WWP1: variants seen among roughly 807,000 people sequenced by gnomAD.
The protein encoded by WWP1 is NEDD4-like E3 ubiquitin-protein ligase WWP1.
WWP1 carries 49 observed loss-of-function variants against 130.6 expected under a neutral mutation model. The observed-to-expected ratio is 0.38, with a 90% CI of 0.30 to 0.48. The LOEUF is 0.48. WWP1 is among the 20% of genes least tolerant of loss of function. The pLI is 0.99. For synonymous variants in WWP1, 332 were observed against 367.8 expected (o/e 0.90, Z 1.11); for missense variants, 809 against 1,100.6 (o/e 0.74, Z 3.75).
At chr8:86,381,771 A>G (rs1242203052) in intron 5 of WWP1, 142 bp downstream of exon 5, 2 of 841,246 alleles carry the variant, frequency 2.4e-6, no homozygotes, top group Non-Finnish European at 3.3e-6. Flanking sequence ...ACTTTGTGGC[A>G]TTTTATGAAA....
intron 5 of WWP1, among the ~76,000 whole-genome samples, chr8:86,396,391 G>A (rs1338647466): frequency 2.0e-5 from 3 of 151,920 alleles, no homozygotes; most frequent in South Asian, 4.2e-4. Flanking sequence ...GAGCCACTGC[G>A]CCTGGCTGCT....
intron 3 of WWP1, among the ~76,000 whole-genome samples, chr8:86,379,668 C>G (rs1255199375): frequency 1.3e-5 from 2 of 152,164 alleles, no homozygotes; most frequent in Non-Finnish European, 2.9e-5. Context: ...TTATGATTAA[C>G]TTTTATAATG....
At chr8:86,463,285 T>C (rs1811863064) in intron 24 of WWP1, among the ~76,000 whole-genome samples, 1 of 152,084 alleles carries the variant, frequency 6.6e-6, no homozygotes, top group Non-Finnish European at 1.5e-5. Context: ...CTTTCCTCGA[T>C]GAGATTAGTG....
chr8:86,423,671 A>T (rs1356996704), intron 9 of WWP1, among the ~76,000 whole-genome samples: 1 of 152,074 alleles, frequency 6.6e-6, no homozygotes, highest in East Asian at 1.9e-4. Flanking sequence ...TTTTCCCCAC[A>T]TTTCCCCCTT....
At chr8:86,353,252 G>GAC (rs1236415439) in intron 1 of WWP1, among the ~76,000 whole-genome samples, 2 of 152,140 alleles carry the variant, frequency 1.3e-5, no homozygotes, top group Non-Finnish European at 2.9e-5. Flanking sequence ...CCAAAGTGAT[G>GAC]ACACCTACGG....
chr8:86,460,560 A>G (rs890419357), intron 22 of WWP1, among the ~76,000 whole-genome samples: 2 of 152,072 alleles, frequency 1.3e-5, no homozygotes, highest in Admixed American at 6.5e-5. Context: ...TTATATTACA[A>G]CCCAACAACA....
intron 5 of WWP1, among the ~76,000 whole-genome samples, chr8:86,390,867 G>A (rs926268162): frequency 3.3e-5 from 5 of 152,134 alleles, no homozygotes; most frequent in Admixed American, 1.3e-4. Flanking sequence ...TTCCTTTTCA[G>A]ATTTACAAGG....
At chr8:86,364,468 T>C (rs887671061) in intron 1 of WWP1, among the ~76,000 whole-genome samples, 3 of 152,106 alleles carry the variant, frequency 2.0e-5, no homozygotes, top group African/African-American at 7.2e-5. Flanking sequence ...TAATGAGAGG[T>C]AAATTTTGAG....
intron 7 of WWP1, among the ~76,000 whole-genome samples, chr8:86,400,629 C>T (rs1005710053): frequency 3.9e-5 from 6 of 152,122 alleles, no homozygotes; most frequent in Admixed American, 3.9e-4. Context: ...TCTAGAAATT[C>T]TTCTAACTCT....
At chr8:86,435,393 G>A in intron 14 of WWP1, 59 bp from the exon 15 acceptor site, 1 of 1,545,038 alleles carries the variant, frequency 6.5e-7, no homozygotes, top group African/African-American at 1.4e-5. Flanking sequence ...ATTTTATACT[G>A]AATACTAAAT....
At position 86,342,811 on chromosome 8, in the gene WWP1, T is replaced by A. The variant is rs1347885131; in HGVS notation, c.-234T>A. On this transcript the variant is annotated 5_prime_UTR_variant, in exon 1 of 25. Coordinates refer to ENST00000517970, the MANE Select transcript of WWP1 (RefSeq NM_007013.4). Reference sequence around the variant, plus strand: ...CCGGGGCCGACGCCTGGGTGGCTGCTGCCGCCGCGCCTGCTGCGAGATGGC... The same window carrying A: ...CCGGGGCCGACGCCTGGGTGGCTGCAGCCGCCGCGCCTGCTGCGAGATGGC... 3 of 366,940 alleles carry A rather than the reference T, an allele frequency of 8.2e-6. No homozygotes were observed. In the South Asian group the frequency reaches 3.9e-4, roughly 48 times the overall value. 22.7% of individuals were successfully genotyped at this position (366,940 alleles called of 1,614,324 possible).
chr8:86,461,378 T>G (rs548597653), intron 23 of WWP1, 58 bp downstream of exon 23: 493 of 1,402,222 alleles, frequency 3.5e-4, no homozygotes, highest in Non-Finnish European at 4.6e-4. Flanking sequence ...TAATGGCCTT[T>G]GGACATACAA....
intron 1 of WWP1, among the ~76,000 whole-genome samples, chr8:86,349,138 C>A (rs1822768576): frequency 6.6e-6 from 1 of 152,202 alleles, no homozygotes; most frequent in African/African-American, 2.4e-5. Flanking sequence ...TCTCCTGCCT[C>A]AGCTTCCCGA....
intron 10 of WWP1, 59 bp downstream of exon 10, chr8:86,425,377 A>G: frequency 7.5e-7 from 1 of 1,340,972 alleles, no homozygotes; most frequent in East Asian, 2.3e-5. Context: ...TGGTTTTTAA[A>G]TTTATTTAGT....
chr8:86,448,887 G>A (rs977368758), intron 20 of WWP1, among the ~76,000 whole-genome samples: 12 of 152,206 alleles, frequency 7.9e-5, no homozygotes, highest in Middle Eastern at 3.4e-3. Flanking sequence ...TCAGGCCGTC[G>A]TAGTGGCGTG....
In WWP1 at chr8:86,428,210, T is replaced by A. The variant is rs181245819; in HGVS notation, c.1332+393T>A. Among the ~76,000 whole-genome samples, 132 of 152,346 alleles carry A rather than the reference T, an allele frequency of 8.7e-4. 1 individual carries two copies. The highest frequency in any genetic ancestry group is 2.9e-3 in the Admixed American group (44 of 15,304). On this transcript the variant is annotated intron_variant, in intron 11 of 24. Coordinates refer to ENST00000517970, the MANE Select transcript of WWP1 (RefSeq NM_007013.4). Reference sequence around the variant, plus strand: ...AGAGCCAGTCTTGCAGTATGCTACCTATTCTGATTCTCTTCCCAGATTCTA... The same window carrying A: ...AGAGCCAGTCTTGCAGTATGCTACCAATTCTGATTCTCTTCCCAGATTCTA...
At chr8:86,434,755 A>G in intron 14 of WWP1, among the ~76,000 whole-genome samples, 1 of 152,338 alleles carries the variant, frequency 6.6e-6, no homozygotes, top group South Asian at 2.1e-4. Context: ...GGTACCAGCT[A>G]TGCATTCAGT....
At chr8:86,454,388 G>A (rs1811331908) in intron 21 of WWP1, among the ~76,000 whole-genome samples, 2 of 151,932 alleles carry the variant, frequency 1.3e-5, no homozygotes, top group South Asian at 2.1e-4. Context: ...GATATGGAAA[G>A]CCGATATATA....
chr8:86,452,592 A>G lies in WWP1; in HGVS notation c.2307A>G (p.Val769=), dbSNP rs770505576. Reference sequence around the variant, plus strand: ...CAGAATGGCGTTTTTCTCGAGGAGTACAAGAACAGACCAAAGCTTTCCTTG... The same window carrying G: ...CAGAATGGCGTTTTTCTCGAGGAGTGCAAGAACAGACCAAAGCTTTCCTTG... ...LMTEWRFSRG[V]QEQTKAFLDG... Residue 769 remains valine (V), a synonymous_variant, in exon 21 of 25, where the codon GTA becomes GTG. Coordinates refer to ENST00000517970, the MANE Select transcript of WWP1 (RefSeq NM_007013.4). 2.5e-6 allele frequency: 4 copies of G among 1,612,738 alleles called. No homozygotes were observed. The highest frequency in any genetic ancestry group is 3.3e-5 in the Admixed American group (2 of 59,898).
Sources: gnomAD v4.1 joint callset for allele counts (sites outside exome capture counted in the v4.1 genomes callset) on GRCh38, gnomAD v4.1.1 for gene constraint, MANE v1.5 for transcripts, NCBI Gene and HGNC (gene_info 2026-07-23, HGNC 2026-07-21) for gene names.